The following MDFIC2 variants were observed in gnomAD, a reference collection of about 807,000 sequenced individuals.
MDFIC2 encodes the protein myoD family inhibitor domain-containing protein 2.
intron 2 of MDFIC2, among the ~76,000 whole-genome samples, chr3:70,301,363 T>C (rs1702347015): frequency 6.6e-6 from 1 of 152,088 alleles, no homozygotes; most frequent in African/African-American, 2.4e-5. Flanking sequence ...ACCCACATTG[T>C]TTTTGCATGT....
intron 2 of MDFIC2, chr3:70,283,913 G>T (rs1471012484): frequency 6.6e-6 from 1 of 152,018 alleles, no homozygotes; most frequent in Non-Finnish European, 1.5e-5. Flanking sequence ...TAATACATGT[G>T]CTATTAATAA....
chr3:70,222,821 TA>T (rs1216608448), intron 2 of MDFIC2, among the ~76,000 whole-genome samples: 2 of 152,182 alleles, frequency 1.3e-5, no homozygotes, highest in African/African-American at 4.8e-5. Flanking sequence ...GATAGCTCCA[TA>T]AGTCATTAGA....
At chr3:70,297,752 A>G (rs1702303921) in intron 2 of MDFIC2, among the ~76,000 whole-genome samples, 1 of 152,090 alleles carries the variant, frequency 6.6e-6, no homozygotes, top group Non-Finnish European at 1.5e-5. Context: ...AAGTCAGGTA[A>G]TTTGTAAAGT....
In MDFIC2 at chr3:70,195,246, A is replaced by G. The variant is rs1256855576; in HGVS notation, c.*1680T>C. Among the ~76,000 whole-genome samples the G allele has an allele frequency of 6.6e-6, 1 of 152,010 alleles. No homozygotes were observed. Among genetic ancestry groups the G allele is most frequent in the Non-Finnish European group, 1.5e-5 (1 of 68,006 alleles). On this transcript the variant is annotated 3_prime_UTR_variant, in exon 4 of 4. Coordinates refer to ENST00000567252, the MANE Select transcript of MDFIC2 (RefSeq NM_001364677.1). ...TTTCTTCTAATGATCTACAAGTTCT[A>G]TGCATTGAGTATAGAGCTGTTTCTT...
At chr3:70,311,834 A>C (rs1472913025) in intron 2 of MDFIC2, 52 bp downstream of exon 2, 1 of 396,598 alleles carries the variant, frequency 2.5e-6, no homozygotes, top group Non-Finnish European at 4.4e-6. Flanking sequence ...CTTGCTTATA[A>C]ACAAAAGCAA....
intron 2 of MDFIC2, among the ~76,000 whole-genome samples, chr3:70,219,221 A>T (rs1267032039): frequency 6.6e-6 from 1 of 152,192 alleles, no homozygotes; most frequent in Non-Finnish European, 1.5e-5. Context: ...TTTGGGTTTG[A>T]TAGTATTGGG....
chr3:70,279,405 G>T (rs778149818), intron 2 of MDFIC2, among the ~76,000 whole-genome samples: 1 of 152,006 alleles, frequency 6.6e-6, no homozygotes, highest in African/African-American at 2.4e-5. Context: ...TATCACACTC[G>T]TCAGAAAGAC....
chr3:70,290,144 T>C (rs1702217455), intron 2 of MDFIC2, among the ~76,000 whole-genome samples: 1 of 152,138 alleles, frequency 6.6e-6, no homozygotes, highest in Admixed American at 6.5e-5. Flanking sequence ...CTCTGCTTTT[T>C]AGAGTTTCCA....
chr3:70,238,891 C>T (rs1229832958), intron 2 of MDFIC2, among the ~76,000 whole-genome samples: 2 of 152,286 alleles, frequency 1.3e-5, no homozygotes, highest in South Asian at 2.1e-4. Flanking sequence ...TTTCTTCTGA[C>T]TCTATTTTCT....
chr3:70,309,290 A>T (rs946445949), intron 2 of MDFIC2, among the ~76,000 whole-genome samples: 5 of 152,188 alleles, frequency 3.3e-5, no homozygotes, highest in African/African-American at 7.2e-5. Flanking sequence ...TGGGGACAGT[A>T]CCACTGCATA....
intron 2 of MDFIC2, among the ~76,000 whole-genome samples, chr3:70,278,799 C>G (rs147145317): frequency 1.1e-4 from 16 of 151,990 alleles, no homozygotes; most frequent in Admixed American, 5.9e-4. Context: ...ACTTATGTTT[C>G]CTATGCCTCA....
At chr3:70,276,343 C>T (rs1399928004) in intron 2 of MDFIC2, among the ~76,000 whole-genome samples, 2 of 152,148 alleles carry the variant, frequency 1.3e-5, no homozygotes, top group Non-Finnish European at 2.9e-5. Context: ...AACACACTTT[C>T]TTCACCCACT....
At chr3:70,297,545 T>C (rs533108225) in intron 2 of MDFIC2, among the ~76,000 whole-genome samples, 3 of 152,222 alleles carry the variant, frequency 2.0e-5, no homozygotes, top group African/African-American at 7.2e-5. Flanking sequence ...ATTGCATATG[T>C]CTGGGTACCC....
chr3:70,296,400 G>GA, intron 2 of MDFIC2, among the ~76,000 whole-genome samples: 1 of 151,996 alleles, frequency 6.6e-6, no homozygotes, highest in African/African-American at 2.4e-5. Flanking sequence ...CCAGAAAATG[G>GA]ACCTAATTTT....
At chr3:70,220,591 G>A (rs1293917083) in intron 2 of MDFIC2, among the ~76,000 whole-genome samples, 1 of 152,154 alleles carries the variant, frequency 6.6e-6, no homozygotes. Context: ...TGGAAACATA[G>A]TCAGGACCCA....
At chr3:70,202,964 T>A (rs1213734393) in intron 3 of MDFIC2, among the ~76,000 whole-genome samples, 2 of 152,094 alleles carry the variant, frequency 1.3e-5, no homozygotes. Flanking sequence ...CACTCCCTGA[T>A]TCTGCCCTCC....
At chr3:70,303,531 T>C (rs550258365) in intron 2 of MDFIC2, among the ~76,000 whole-genome samples, 12 of 152,322 alleles carry the variant, frequency 7.9e-5, no homozygotes, top group African/African-American at 2.9e-4. Flanking sequence ...CCCTTCTAGA[T>C]TGTGAGCTAC....
chr3:70,226,065 T>TA (rs1330350811), intron 2 of MDFIC2, among the ~76,000 whole-genome samples: 6 of 151,910 alleles, frequency 3.9e-5, no homozygotes, highest in South Asian at 2.1e-4. Context: ...AACATTCACT[T>TA]AAAAAAAATA....
chr3:70,304,819 T>A (rs1361230168), intron 2 of MDFIC2, among the ~76,000 whole-genome samples: 1 of 152,142 alleles, frequency 6.6e-6, no homozygotes. Flanking sequence ...GCGAAAAAAA[T>A]ATCCAGATTC....
Sources: gnomAD v4.1 joint callset for allele counts (sites outside exome capture counted in the v4.1 genomes callset) on GRCh38, gnomAD v4.1.1 for gene constraint, MANE v1.5 for transcripts, NCBI Gene and HGNC (gene_info 2026-07-23, HGNC 2026-07-21) for gene names.